Variants in VSIR observed in about 807,000 individuals in gnomAD.
VSIR encodes the protein V-type immunoglobulin domain-containing suppressor of T-cell activation.
Under a neutral mutation model 31.0 loss-of-function variants are expected in VSIR, and 10 were observed. The ratio of observed to expected loss-of-function variants is 0.32; its 90% CI spans 0.20 to 0.55. The LOEUF is 0.55. Ranked by LOEUF, VSIR falls within the 20% of genes least tolerant of loss-of-function variation. VSIR has a pLI of 0.93. For synonymous variants in VSIR, 179 were observed against 180.1 expected, an observed-to-expected ratio of 0.99 and a Z score of 0.05; for missense variants, 356 against 416.2, an observed-to-expected ratio of 0.86 and a Z score of 1.26.
intron 1 of VSIR, 71 bp downstream of exon 1, chr10:71,773,287 C>T: frequency 6.6e-7 from 1 of 1,510,706 alleles, no homozygotes; most frequent in Non-Finnish European, 9.0e-7. Flanking sequence ...ACGCCCCCAT[C>T]CCACAGTTCC....
Position 71,751,719 on chromosome 10 carries a change from TG to T in VSIR, c.846del (p.Ser283AlafsTer54). ...GGGCCTGGAGGAGACAGGGGGGTGC[TG>T]GGCTCCGAAAGCAGATGCCGCCCAG... ...SESGRHLLSE[P>X]STPLSPPGPG... On this transcript the variant is annotated frameshift_variant, in exon 6 of 7. Coordinates refer to ENST00000394957, the MANE Select transcript of VSIR (RefSeq NM_022153.2). LOFTEE classifies it high-confidence loss of function. The surrounding 1 kb of genome is among the most constrained non-coding windows in gnomAD (Gnocchi z 4.9). 6.3e-7 allele frequency: 1 copy of T among 1,579,516 alleles called. No homozygotes were observed. Among genetic ancestry groups the T allele is most frequent in the Non-Finnish European group, 8.6e-7 (1 of 1,164,358 alleles).
chr10:71,751,176 C>A lies in VSIR; in HGVS notation c.*77G>T. ...GGAACCAGGGCCGAGGCCAAGGAGG[C>A]CACTCACAGAGCCAGCCCTGGCTCA... On this transcript the variant is annotated 3_prime_UTR_variant, in exon 7 of 7. Transcript: ENST00000394957. The surrounding 1 kb of genome is among the most constrained non-coding windows in gnomAD (Gnocchi z 4.9). The A allele has an allele frequency of 6.6e-7, 1 of 1,512,538 alleles. No homozygotes were observed. Among genetic ancestry groups the A allele is most frequent in the South Asian group, 1.2e-5 (1 of 83,264 alleles). The allele number at this position is 1,512,538 out of a possible 1,614,324, so 93.7% of individuals were successfully genotyped here.
intron 2 of VSIR, among the ~76,000 whole-genome samples, chr10:71,761,357 C>A (rs1840378531): frequency 6.6e-6 from 1 of 152,206 alleles, no homozygotes; most frequent in Non-Finnish European, 1.5e-5. Context: ...CAGCCTCACA[C>A]ATTAAAAAGT....
chr10:71,754,149 CT>C (rs201841370), intron 4 of VSIR, among the ~76,000 whole-genome samples: 2,633 of 152,338 alleles, frequency 0.017, 33 homozygotes, highest in Non-Finnish European at 0.028. Flanking sequence ...CCTGCTCCCC[CT>C]GCCCTGCTGC....
chr10:71,768,417 C>G (rs368115113), intron 1 of VSIR, among the ~76,000 whole-genome samples: 1 of 152,224 alleles, frequency 6.6e-6, no homozygotes, highest in South Asian at 2.1e-4. Flanking sequence ...GTGATCCACC[C>G]GCCTCGTCCT....
In VSIR at chr10:71,751,920, CCCTG is replaced by C. The variant is rs1840014479; in HGVS notation, c.705-63_705-60del. 6.7e-7 allele frequency: 1 copy of C among 1,496,282 alleles called. No homozygotes were observed. Among genetic ancestry groups the C allele is most frequent in the African/African-American group, 1.4e-5 (1 of 72,128 alleles). 92.7% of individuals were successfully genotyped at this position (1,496,282 alleles called of 1,614,324 possible). Reference sequence around the variant, plus strand: ...CTGTCCGGAGCGTGAACTCTGCCCTCCCTGCCCCCAGTTTTTCTCTCCTCCCTTT... The same window carrying C: ...CTGTCCGGAGCGTGAACTCTGCCCTCCCCCCAGTTTTTCTCTCCTCCCTTT... On this transcript the variant is annotated intron_variant, in intron 5 of 6. Coordinates refer to ENST00000394957, the MANE Select transcript of VSIR (RefSeq NM_022153.2). The surrounding 1 kb of genome is among the most constrained non-coding windows in gnomAD (Gnocchi z 4.9).
In VSIR at chr10:71,760,998, G is replaced by A. The variant is rs375563247; in HGVS notation, c.512-74C>T. ...GCCAGGGAGGCTTGTCCAGGCCAGT[G>A]TCCCCCTCCTGCCCCAGGTTCTCAC... On this transcript the variant is annotated intron_variant, in intron 2 of 6. Transcript: ENST00000394957. 16 of 1,463,122 alleles carry A rather than the reference G, an allele frequency of 1.1e-5. No individual in the cohort carries two copies. In the African/African-American group the frequency reaches 1.7e-4, roughly 15 times the overall value. The allele number at this position is 1,463,122 out of a possible 1,614,324, so 90.6% of individuals were successfully genotyped here.
chr10:71,773,512 C>T lies in VSIR; in HGVS notation c.-73G>A. 2.8e-6 allele frequency: 4 copies of T among 1,445,308 alleles called. No homozygotes were observed. The highest frequency in any genetic ancestry group is 3.8e-6 in the Non-Finnish European group (4 of 1,055,832). 89.5% of individuals were successfully genotyped at this position (1,445,308 alleles called of 1,614,324 possible). A position where few individuals can be genotyped will look rare whatever the true frequency, so the allele number is the denominator to read the frequency against. The stretch of plus-strand genomic sequence containing the variant: ...GGACGCGGCCGGCGCGGGGAAGCCT[C>T]CCGCGACTGAGTGCGAGCGAGTGAG... On this transcript the variant is annotated 5_prime_UTR_variant, in exon 1 of 7. Transcript: ENST00000394957.
At chr10:71,752,049 C>T (rs752588599) in intron 5 of VSIR, 188 bp from the exon 6 acceptor site, 30 of 733,738 alleles carry the variant, frequency 4.1e-5, no homozygotes, top group Non-Finnish European at 2.2e-5. Context: ...CACCTGCCCA[C>T]CTGTCCTGAG....
chr10:71,760,300 TGTATATACACACAC>T (rs2132886619), intron 3 of VSIR, among the ~76,000 whole-genome samples: 1 of 107,940 alleles, frequency 9.3e-6, no homozygotes, highest in South Asian at 2.8e-4. Context: ...TGTATATATA[TGTATATACACACAC>T]ATATATATAT....
chr10:71,771,222 G>A (rs74671428), intron 1 of VSIR, among the ~76,000 whole-genome samples: 102 of 152,246 alleles, frequency 6.7e-4, no homozygotes, highest in African/African-American at 2.4e-3. Flanking sequence ...GCTGGGTCCT[G>A]GTCCCTAAGT....
intron 3 of VSIR, among the ~76,000 whole-genome samples, chr10:71,758,585 T>G (rs1162717199): frequency 1.3e-5 from 2 of 152,192 alleles, no homozygotes; most frequent in Admixed American, 6.5e-5. Context: ...GGGAAGAAGG[T>G]GAGTATGCAG....
chr10:71,761,751 C>T lies in VSIR; in HGVS notation c.358G>A (p.Glu120Lys), dbSNP rs1840392394. ...TTGCCATGGTGGTCGGAGGCCGACT[C>T]CAGCCCGTGGCGCTGAGCCAGGTCG... ...SHDLAQRHGLESASDHHGNFS... is the reference protein window; with the variant it reads ...SHDLAQRHGLKSASDHHGNFS... Residue 120 changes from glutamate (E) to lysine (K), a missense_variant, in exon 2 of 7, where the codon GAG (glutamate) becomes AAG (lysine). Physicochemically the swap from Glu to Lys is moderately conservative, Grantham distance 56. This residue lies in a region of VSIR where 166 missense variants were observed against 231.0 expected (regional missense o/e 0.72). Coordinates refer to ENST00000394957, the MANE Select transcript of VSIR (RefSeq NM_022153.2). 6.8e-6 allele frequency: 11 copies of T among 1,614,034 alleles called. No homozygotes were observed. Among genetic ancestry groups the T allele is most frequent in the Admixed American group, 3.3e-5 (2 of 60,008 alleles).
In VSIR at chr10:71,755,391, A is replaced by G. The variant is rs1840111405; in HGVS notation, c.644T>C (p.Val215Ala). The change falls in exon 4 of 7, where the codon GTC becomes GCC. Residue 215 changes from valine (V) to alanine (A), a missense_variant. Physicochemically the swap from Val to Ala is moderately conservative, Grantham distance 64 (BLOSUM62 0). Around this residue, in one of 2 missense-constraint regions of VSIR, gnomAD observed 190 missense variants for 185.2 expected, o/e 1.03. Coordinates refer to ENST00000394957, the MANE Select transcript of VSIR (RefSeq NM_022153.2). ...ILCLPLILLL[V>A]YKQRQAASNR... ...GGAGGCTGCCTGCCTTTGCTTGTAG[A>G]CCAGGAGCAGGATGAGGGGGAGGCA... 6.2e-7 allele frequency: 1 copy of G among 1,613,140 alleles called. No individual in the cohort carries two copies.
At chr10:71,752,091 C>T (rs1226979212) in intron 5 of VSIR, 1 of 683,014 alleles carries the variant, frequency 1.5e-6, no homozygotes, top group Non-Finnish European at 2.7e-6. Flanking sequence ...AGAACAGACC[C>T]CAGCTCCTCC....
chr10:71,758,731 A>G (rs531670296), intron 3 of VSIR, among the ~76,000 whole-genome samples: 4 of 152,294 alleles, frequency 2.6e-5, no homozygotes, highest in African/African-American at 9.6e-5. Context: ...TAGAGTTCTT[A>G]TAAGAATTCC....
rs771125955 is a variant in VSIR at position 71,751,780 on chromosome 10, G to T, written c.786C>A (p.Pro262=). The T allele has an allele frequency of 6.2e-7, 1 of 1,601,890 alleles. No individual in the cohort carries two copies. The highest frequency in any genetic ancestry group is 1.1e-5 in the South Asian group (1 of 90,024). Residue 262 remains proline (P), a synonymous_variant, in exon 6 of 7, where the codon CCC becomes CCA. Coordinates refer to ENST00000394957, the MANE Select transcript of VSIR (RefSeq NM_022153.2). The surrounding 1 kb of genome is among the most constrained non-coding windows in gnomAD (Gnocchi z 4.9). ...GCTGCCGCTGGGCCACATAGGACAG[G>T]GGGTGCCTGACTTTGGCCTCGGGTA... ...QGIPEAKVRH[P]LSYVAQRQPS...
Position 71,762,001 on chromosome 10 carries a change from G to A in VSIR, c.108C>T (p.Ala36=). Residue 36 remains alanine, a synonymous_variant, in exon 2 of 7, where the codon GCC becomes GCT. Coordinates refer to ENST00000394957, the MANE Select transcript of VSIR (RefSeq NM_022153.2). ...GACAGACATACAGGGAATACGGCGT[G>A]GCGACCTTGAAGGCTGCCACCGGAC... ...SLGPVAAFKV[A]TPYSLYVCPE... The A allele has an allele frequency of 6.2e-7, 1 of 1,608,746 alleles. No homozygotes were observed. The highest frequency in any genetic ancestry group is 2.2e-5 in the East Asian group (1 of 44,804).
rs568597909 is a variant in VSIR, at chr10:71,773,496, C to G, written c.-57G>C. 1 of 1,519,524 alleles carries G rather than the reference C, an allele frequency of 6.6e-7. No homozygotes were observed. Among genetic ancestry groups the G allele is most frequent in the Non-Finnish European group, 8.9e-7 (1 of 1,119,358 alleles). The allele number at this position is 1,519,524 out of a possible 1,614,324, so 94.1% of individuals were successfully genotyped here. A position where few individuals can be genotyped will look rare whatever the true frequency, so the allele number is the denominator to read the frequency against. On this transcript the variant is annotated 5_prime_UTR_variant, in exon 1 of 7. Transcript: ENST00000394957. ...TGCCGGGGAGCGGGCGGGACGCGGC[C>G]GGCGCGGGGAAGCCTCCCGCGACTG...
Sources: gnomAD v4.1 joint callset for allele counts (sites outside exome capture counted in the v4.1 genomes callset) on GRCh38, gnomAD v4.1.1 for gene constraint, gnomAD v4.1.1 regional missense constraint, Gnocchi (gnomAD v3.1) non-coding constraint, MANE v1.5 for transcripts, NCBI Gene and HGNC (gene_info 2026-07-23, HGNC 2026-07-21) for gene names.